The following HTR2A variants were observed in gnomAD, a reference collection of about 807,000 sequenced individuals.
The protein encoded by HTR2A is 5-HT2 receptor.
In HTR2A, 14 loss-of-function variants were observed where a neutral mutation model predicts 31.0. That is an observed-to-expected ratio of 0.45 (90% CI 0.30 to 0.71). The LOEUF (loss-of-function observed/expected upper bound fraction) is 0.71. Ranked by LOEUF, HTR2A falls within the 30% of genes least tolerant of loss-of-function variation. The pLI is 0.09. For missense variants in HTR2A, 442 were observed against 573.3 expected (o/e 0.77, Z 2.34); for synonymous variants, 209 against 225.2 (o/e 0.93, Z 0.64).
At chr13:46,888,451 T>A (rs1044404562) in intron 3 of HTR2A, among the ~76,000 whole-genome samples, 1 of 138,726 alleles carries the variant, frequency 7.2e-6, no homozygotes, top group Non-Finnish European at 1.5e-5. Flanking sequence ...AATGTTGGAT[T>A]TGCCACCTAT....
intron 3 of HTR2A, among the ~76,000 whole-genome samples, chr13:46,859,803 C>T (rs61948317): frequency 0.034 from 5,107 of 152,206 alleles, 123 homozygotes; most frequent in Non-Finnish European, 0.049. Context: ...TATTTCTTTA[C>T]GGCAATGCAA....
chr13:46,854,651 C>T (rs938275400), intron 3 of HTR2A, among the ~76,000 whole-genome samples: 3 of 152,104 alleles, frequency 2.0e-5, no homozygotes, highest in African/African-American at 7.2e-5. Context: ...CTGAAAGTTG[C>T]CCTGGGGTTG....
chr13:46,866,550 T>C (rs958568667), intron 3 of HTR2A, among the ~76,000 whole-genome samples: 1 of 152,236 alleles, frequency 6.6e-6, no homozygotes. Context: ...ACTAGGTACT[T>C]AGTCTCTTTG....
At chr13:46,887,884 G>T (rs1951020028) in intron 3 of HTR2A, among the ~76,000 whole-genome samples, 1 of 151,634 alleles carries the variant, frequency 6.6e-6, no homozygotes, top group Admixed American at 6.6e-5. Flanking sequence ...TGGACACATG[G>T]TGGGGATCAA....
intron 1 of HTR2A, 97 bp downstream of exon 1, chr13:46,896,577 G>A (rs1951106777): frequency 1.0e-6 from 1 of 974,170 alleles, no homozygotes; most frequent in South Asian, 1.8e-5. Flanking sequence ...TTTCCTCCCT[G>A]GAAATTCTCA....
chr13:46,885,273 A>G (rs941287344), intron 3 of HTR2A, among the ~76,000 whole-genome samples: 1 of 152,188 alleles, frequency 6.6e-6, no homozygotes, highest in South Asian at 2.1e-4. Flanking sequence ...TATGCTGGAC[A>G]AAGGGATAAT....
At chr13:46,880,501 T>G (rs368080757) in intron 3 of HTR2A, among the ~76,000 whole-genome samples, 5 of 152,126 alleles carry the variant, frequency 3.3e-5, no homozygotes, top group Non-Finnish European at 5.9e-5. Context: ...AATAAAGAAA[T>G]TCATAGTCCA....
chr13:46,844,281 A>G (rs1950622837), intron 3 of HTR2A, among the ~76,000 whole-genome samples: 1 of 152,198 alleles, frequency 6.6e-6, no homozygotes, highest in African/African-American at 2.4e-5. Flanking sequence ...GAGAGAGGAA[A>G]ATAAAAGAGA....
intron 3 of HTR2A, among the ~76,000 whole-genome samples, chr13:46,850,959 T>A (rs983088005): frequency 1.3e-5 from 2 of 152,178 alleles, no homozygotes; most frequent in Middle Eastern, 3.2e-3. Context: ...ATGTTGAATG[T>A]TTTTCCTCCA....
Position 46,834,953 on chromosome 13 carries a change from G to A in HTR2A, c.1300C>T (p.Gln434Ter). ...TCATTATCTGTTGTCTTGGCATCTTGCTTTGAATTCTTTTTTTGTCCCATT... is the reference window on the plus strand; with the variant it reads ...TCATTATCTGTTGTCTTGGCATCTTACTTTGAATTCTTTTTTTGTCCCATT... ...LQMGQKKNSKQDAKTTDNDCS... is the reference protein window; with the variant it reads ...LQMGQKKNSK The change falls in exon 4 of 4, where the codon CAA becomes TAA. Residue 434 changes from glutamine (Q) to a stop codon, truncating the protein, a stop_gained. Coordinates refer to ENST00000542664, the MANE Select transcript of HTR2A (RefSeq NM_000621.5). LOFTEE classifies it low-confidence loss of function (END_TRUNC). 1 of 1,614,058 alleles carries A rather than the reference G, an allele frequency of 6.2e-7. No individual in the cohort carries two copies. Among genetic ancestry groups the A allele is most frequent in the African/African-American group, 1.3e-5 (1 of 75,034 alleles).
In HTR2A at chr13:46,835,346, G is replaced by C; in HGVS notation, c.907C>G (p.Pro303Ala). ...GTCCTCCTGCCTGTGTAGGACCCTG[G>C]CTCCCTATGGATCGACCGCTGGAAG... is the stretch of plus-strand genomic sequence containing the variant. ...KLFQRSIHRE[P>A]GSYTGRRTMQ... The change falls in exon 4 of 4, where the codon CCA becomes GCA. Residue 303 changes from proline to alanine, a missense_variant. By Grantham distance (27) the Pro-to-Ala change is conservative (BLOSUM62 -1). Transcript: ENST00000542664. 7.4e-6 allele frequency: 12 copies of C among 1,614,078 alleles called. No individual in the cohort carries two copies. Among genetic ancestry groups the C allele is most frequent in the Non-Finnish European group, 1.0e-5 (12 of 1,179,996 alleles).
At position 46,896,671 on chromosome 13, in the gene HTR2A, T is replaced by TA; in HGVS notation, c.-329+2dup. On this transcript the variant is annotated splice_region_variant and intron_variant, in intron 1 of 3. Transcript: ENST00000542664. The stretch of plus-strand genomic sequence containing the variant: ...AATAAAATATAGCGGCATGAGAACT[T>TA]ACATTTGTCTTCAGGGTCCACACAT... 6.6e-7 allele frequency: 1 copy of TA among 1,520,064 alleles called. No homozygotes were observed. The highest frequency in any genetic ancestry group is 8.8e-7 in the Non-Finnish European group (1 of 1,138,528). 94.2% of individuals were successfully genotyped at this position (1,520,064 alleles called of 1,614,324 possible). A position where few individuals can be genotyped will look rare whatever the true frequency, so the allele number is the denominator to read the frequency against.
chr13:46,897,110 G>A (rs955805838), upstream of HTR2A: 3 of 336,020 alleles, frequency 8.9e-6, no homozygotes, highest in Non-Finnish European at 1.6e-5. Flanking sequence ...AAGCTGCAAG[G>A]TAGCAACAGC....
intron 3 of HTR2A, among the ~76,000 whole-genome samples, chr13:46,863,366 A>G (rs779382817): frequency 6.6e-6 from 1 of 152,080 alleles, no homozygotes; most frequent in African/African-American, 2.4e-5. Context: ...TCATACCTAT[A>G]AATTTCAGCA....
At chr13:46,854,371 G>T (rs1950714843) in intron 3 of HTR2A, 1 of 152,192 alleles carries the variant, frequency 6.6e-6, no homozygotes, top group Non-Finnish European at 1.5e-5. Flanking sequence ...CACAAGCTTA[G>T]GTGTTCCTCA....
chr13:46,847,729 G>A (rs1268755297), intron 3 of HTR2A, among the ~76,000 whole-genome samples: 4 of 152,092 alleles, frequency 2.6e-5, no homozygotes, highest in African/African-American at 9.7e-5. Context: ...TTTGTACCAC[G>A]AGGCCCAAAC....
chr13:46,872,431 T>C (rs1052331864), intron 3 of HTR2A, among the ~76,000 whole-genome samples: 2 of 152,126 alleles, frequency 1.3e-5, no homozygotes, highest in African/African-American at 4.8e-5. Context: ...GCATCTCAAT[T>C]AGTAATTATT....
At chr13:46,888,080 A>G (rs1328710587) in intron 3 of HTR2A, among the ~76,000 whole-genome samples, 2 of 28,718 alleles carry the variant, frequency 7.0e-5, no homozygotes, top group East Asian at 2.3e-3. Flanking sequence ...AAGTTGAAGA[A>G]CAAAGCAAAA....
At chr13:46,884,065 T>C (rs954068484) in intron 3 of HTR2A, among the ~76,000 whole-genome samples, 13 of 152,222 alleles carry the variant, frequency 8.5e-5, no homozygotes, top group Non-Finnish European at 4.4e-5. Flanking sequence ...CTTTGAAAGT[T>C]GGCCGCCTCA....
Sources: gnomAD v4.1 joint callset for allele counts (sites outside exome capture counted in the v4.1 genomes callset) on GRCh38, gnomAD v4.1.1 for gene constraint, MANE v1.5 for transcripts, NCBI Gene and HGNC (gene_info 2026-07-23, HGNC 2026-07-21) for gene names.